RANBP17: variants seen among roughly 807,000 people sequenced by gnomAD.
The protein encoded by RANBP17 is ran-binding protein 17.
A neutral mutation model predicts 141.2 loss-of-function variants in RANBP17; 158 were observed. That is an observed-to-expected ratio of 1.12 (90% CI 0.98 to 1.28). The LOEUF is 1.28. Ranked by LOEUF, RANBP17 falls within the 50% of genes most tolerant of loss-of-function variation. RANBP17 has a pLI of 0.00. For missense variants in RANBP17, 1,438 were observed against 1,290.7 expected (o/e 1.11, Z -1.75); for synonymous variants, 430 against 450.0 (o/e 0.96, Z 0.56).
intron 14 of RANBP17, among the ~76,000 whole-genome samples, chr5:171,039,249 T>G (rs1446665121): frequency 2.6e-5 from 1 of 38,292 alleles, no homozygotes; most frequent in East Asian, 3.0e-3. Context: ...TTGTTGGTTT[T>G]TTTTTTTTTT....
At chr5:170,980,013 A>G (rs896416306) in intron 14 of RANBP17, among the ~76,000 whole-genome samples, 2 of 152,208 alleles carry the variant, frequency 1.3e-5, no homozygotes, top group African/African-American at 4.8e-5. Flanking sequence ...ATGGACAGTG[A>G]AATCCAGGCT....
intron 7 of RANBP17, chr5:170,911,405 A>G (rs1200274875): frequency 3.4e-6 from 2 of 584,784 alleles, no homozygotes; most frequent in Non-Finnish European, 6.2e-6. Context: ...GTCAAGAGCT[A>G]TGATTTGAAA....
chr5:171,056,878 A>G (rs1783419984), intron 14 of RANBP17, among the ~76,000 whole-genome samples: 1 of 152,138 alleles, frequency 6.6e-6, no homozygotes, highest in African/African-American at 2.4e-5. Flanking sequence ...CTTTCCAACC[A>G]ATCGGTCTCT....
intron 25 of RANBP17, 136 bp downstream of exon 25, chr5:171,265,983 G>T (rs1475740536): frequency 1.5e-6 from 1 of 680,044 alleles, no homozygotes; most frequent in Non-Finnish European, 2.4e-6. Context: ...TATTGTCTGG[G>T]AGTATTTTCC....
intron 18 of RANBP17, among the ~76,000 whole-genome samples, chr5:171,198,128 G>C (rs1007796468): frequency 4.6e-5 from 7 of 152,216 alleles, no homozygotes; most frequent in Admixed American, 2.6e-4. Context: ...TAGACATTGG[G>C]AAAGATATTA....
At chr5:170,873,694 T>A (rs1259200896) in intron 1 of RANBP17, among the ~76,000 whole-genome samples, 1 of 152,188 alleles carries the variant, frequency 6.6e-6, no homozygotes, top group Non-Finnish European at 1.5e-5. Flanking sequence ...GTGATAATCC[T>A]TTATCATTTT....
At chr5:171,081,099 T>A (rs1785236300) in intron 14 of RANBP17, among the ~76,000 whole-genome samples, 1 of 152,204 alleles carries the variant, frequency 6.6e-6, no homozygotes, top group Admixed American at 6.5e-5. Flanking sequence ...ATAGAACTGA[T>A]ACTTAAAACC....
At chr5:170,973,254 C>G (rs993812228) in intron 14 of RANBP17, among the ~76,000 whole-genome samples, 7 of 152,152 alleles carry the variant, frequency 4.6e-5, no homozygotes, top group Non-Finnish European at 8.8e-5. Flanking sequence ...ACCAGACAAA[C>G]TATTAAATAC....
intron 23 of RANBP17, 32 bp downstream of exon 23, chr5:171,241,174 A>G: frequency 6.5e-7 from 1 of 1,533,018 alleles, no homozygotes; most frequent in Non-Finnish European, 9.0e-7. Flanking sequence ...GAGTGTTTGT[A>G]TGAAATGTGA....
At chr5:171,253,316 T>TG (rs1483359974) in intron 24 of RANBP17, among the ~76,000 whole-genome samples, 2 of 152,180 alleles carry the variant, frequency 1.3e-5, no homozygotes, top group African/African-American at 4.8e-5. Context: ...ATGAATTCCT[T>TG]GGGGGTGCAG....
chr5:171,099,153 A>C (rs528219120), intron 14 of RANBP17, among the ~76,000 whole-genome samples: 1 of 152,324 alleles, frequency 6.6e-6, no homozygotes, highest in East Asian at 1.9e-4. Context: ...CTGTGAAGAA[A>C]GTCAATGGTA....
intron 27 of RANBP17, among the ~76,000 whole-genome samples, chr5:171,297,846 CTTTTTTTTTTTT>C (rs71310040): frequency 3.0e-5 from 2 of 67,508 alleles, no homozygotes; most frequent in African/African-American, 1.1e-4. Context: ...CCAATAAATT[CTTTTTTTTTTTT>C]TTTTTTTTTT....
chr5:171,163,965 A>C (rs1759512477), intron 14 of RANBP17, among the ~76,000 whole-genome samples: 1 of 152,172 alleles, frequency 6.6e-6, no homozygotes, highest in Non-Finnish European at 1.5e-5. Flanking sequence ...AAGGGTATTA[A>C]CTTACTATAA....
intron 1 of RANBP17, among the ~76,000 whole-genome samples, chr5:170,864,043 C>T (rs1224745833): frequency 6.6e-6 from 1 of 152,186 alleles, no homozygotes; most frequent in Non-Finnish European, 1.5e-5. Context: ...CAGTACCTAG[C>T]ATTTTGAGTT....
At chr5:171,033,741 C>T (rs1265901617) in intron 14 of RANBP17, among the ~76,000 whole-genome samples, 3 of 152,028 alleles carry the variant, frequency 2.0e-5, no homozygotes, top group African/African-American at 7.2e-5. Flanking sequence ...TCTGTTGAGT[C>T]TTGTTTATGA....
At chr5:171,102,009 C>G (rs1048577076) in intron 14 of RANBP17, among the ~76,000 whole-genome samples, 1 of 152,204 alleles carries the variant, frequency 6.6e-6, no homozygotes, top group Non-Finnish European at 1.5e-5. Flanking sequence ...ACCTTTCTCT[C>G]TGTCTGCCCT....
intron 25 of RANBP17, among the ~76,000 whole-genome samples, chr5:171,285,470 C>T (rs74402020): frequency 0.11 from 16,305 of 152,256 alleles, 1,064 homozygotes; most frequent in Middle Eastern, 0.18. Flanking sequence ...CTCATTCCTA[C>T]CCAGAGGAAA....
At chr5:171,032,587 T>C (rs1217962004) in intron 14 of RANBP17, among the ~76,000 whole-genome samples, 2 of 152,126 alleles carry the variant, frequency 1.3e-5, no homozygotes, top group African/African-American at 4.8e-5. Flanking sequence ...TAGTGAAATA[T>C]AGAGGTTGTT....
At chr5:171,227,922 G>A (rs573273069) in intron 22 of RANBP17, among the ~76,000 whole-genome samples, 70 of 152,240 alleles carry the variant, frequency 4.6e-4, no homozygotes, top group African/African-American at 1.7e-3. Flanking sequence ...GCCCACTGTT[G>A]AAGCCTACTG....
Sources: gnomAD v4.1 joint callset for allele counts (sites outside exome capture counted in the v4.1 genomes callset) on GRCh38, gnomAD v4.1.1 for gene constraint, MANE v1.5 for transcripts, NCBI Gene and HGNC (gene_info 2026-07-23, HGNC 2026-07-21) for gene names.